Variants in ABI1 observed in about 807,000 individuals in gnomAD.
ABI1 encodes the protein abl interactor 1.
ABI1 carries 14 observed loss-of-function variants against 54.6 expected under a neutral mutation model. The observed-to-expected ratio is 0.26, with a 90% CI of 0.17 to 0.40. The LOEUF is 0.40. Ranked by LOEUF, ABI1 falls within the 10% of genes least tolerant of loss-of-function variation. The pLI is 1.00. For missense variants in ABI1, 443 were observed against 598.3 expected (o/e 0.74, Z 2.71); for synonymous variants, 194 against 209.3 (o/e 0.93, Z 0.63).
chr10:26,820,026 TA>T (rs1340413862), intron 2 of ABI1, among the ~76,000 whole-genome samples: 3 of 152,098 alleles, frequency 2.0e-5, no homozygotes, highest in African/African-American at 7.2e-5. Flanking sequence ...TGTCAGAGAC[TA>T]GGGGGTAAGG....
At chr10:26,823,014 A>T in intron 2 of ABI1, 124 bp downstream of exon 2, 1 of 848,776 alleles carries the variant, frequency 1.2e-6, no homozygotes, top group Non-Finnish European at 1.8e-6. Context: ...TACCAAACTA[A>T]AACAGTGTTA....
At chr10:26,805,682 T>C (rs2046834110) in intron 2 of ABI1, among the ~76,000 whole-genome samples, 1 of 152,188 alleles carries the variant, frequency 6.6e-6, no homozygotes, top group Non-Finnish European at 1.5e-5. Flanking sequence ...GAGTCTCCAA[T>C]TTCCAAAAGA....
intron 2 of ABI1, among the ~76,000 whole-genome samples, chr10:26,816,170 A>G (rs1434392713): frequency 1.3e-5 from 2 of 152,230 alleles, no homozygotes; most frequent in Non-Finnish European, 2.9e-5. Context: ...GACATTTTAC[A>G]AAACTGGGTA....
At chr10:26,814,262 C>T (rs1455203425) in intron 2 of ABI1, among the ~76,000 whole-genome samples, 1 of 152,130 alleles carries the variant, frequency 6.6e-6, no homozygotes, top group Non-Finnish European at 1.5e-5. Context: ...AGTCAAGATG[C>T]CCATCTTTTG....
chr10:26,833,769 TACACAC>T (rs61653104), intron 1 of ABI1, among the ~76,000 whole-genome samples: 37 of 150,208 alleles, frequency 2.5e-4, no homozygotes, highest in African/African-American at 4.6e-4. Context: ...ACAATATTTA[TACACAC>T]ACACACACAC....
At chr10:26,793,023 C>T (rs1010337349) in intron 2 of ABI1, among the ~76,000 whole-genome samples, 14 of 152,332 alleles carry the variant, frequency 9.2e-5, no homozygotes, top group Admixed American at 6.5e-5. Context: ...ACAATATCAT[C>T]TCAGAAGGCC....
At chr10:26,771,801 A>G (rs1840727122) in intron 3 of ABI1, among the ~76,000 whole-genome samples, 1 of 152,158 alleles carries the variant, frequency 6.6e-6, no homozygotes. Context: ...CATCTGAGCC[A>G]GTTAAGTCAA....
chr10:26,781,992 T>C (rs1017298380), intron 2 of ABI1, among the ~76,000 whole-genome samples: 3 of 152,194 alleles, frequency 2.0e-5, no homozygotes, highest in African/African-American at 7.2e-5. Context: ...TTATGAGTCC[T>C]GGAAAAGGAC....
intron 1 of ABI1, among the ~76,000 whole-genome samples, chr10:26,858,529 C>CAAAA (rs1366626506): frequency 2.1e-5 from 1 of 46,618 alleles, no homozygotes; most frequent in African/African-American, 7.6e-5. Context: ...CCCGCCCCCA[C>CAAAA]AAAAAAAGAA....
Position 26,746,622 on chromosome 10 carries a change from T to A in ABI1, c.*1948A>T. The A allele has an allele frequency of 1.2e-6, 1 of 825,140 alleles. No individual in the cohort carries two copies. The allele number at this position is 825,140 out of a possible 1,614,324, so 51.1% of individuals were successfully genotyped here. On this transcript the variant is annotated 3_prime_UTR_variant, in exon 11 of 11. Transcript: ENST00000376140. ...TGATGGGCAATTTATTTTTTTTTAT[T>A]GCAAAAGTTTTTTCAGAAAACTTTT...
At chr10:26,837,904 C>A (rs772355519) in intron 1 of ABI1, among the ~76,000 whole-genome samples, 44 of 152,080 alleles carry the variant, frequency 2.9e-4, no homozygotes, top group Non-Finnish European at 2.9e-5. Flanking sequence ...CATGAGCCAC[C>A]ACACCCAGCT....
intron 2 of ABI1, among the ~76,000 whole-genome samples, chr10:26,814,650 A>C (rs2047444649): frequency 6.6e-6 from 1 of 152,206 alleles, no homozygotes; most frequent in Non-Finnish European, 1.5e-5. Context: ...ATAAGAAGTG[A>C]ATATTGGTTA....
At chr10:26,792,782 C>A (rs912435641) in intron 2 of ABI1, among the ~76,000 whole-genome samples, 1 of 152,114 alleles carries the variant, frequency 6.6e-6, no homozygotes, top group African/African-American at 2.4e-5. Flanking sequence ...CATAAGCAGA[C>A]AAGATTTTAA....
intron 5 of ABI1, among the ~76,000 whole-genome samples, chr10:26,769,901 G>C (rs1315289115): frequency 6.6e-6 from 1 of 152,238 alleles, no homozygotes; most frequent in East Asian, 1.9e-4. Flanking sequence ...CTACAATATA[G>C]ATACTGTAAA....
Position 26,748,492 on chromosome 10 carries a change from T to C in ABI1, c.*78A>G. 3 of 1,110,432 alleles carry C rather than the reference T, an allele frequency of 2.7e-6. No individual in the cohort carries two copies. The highest frequency in any genetic ancestry group is 2.5e-5 in the East Asian group (1 of 39,968). 68.8% of individuals were successfully genotyped at this position (1,110,432 alleles called of 1,614,324 possible). A position where few individuals can be genotyped will look rare whatever the true frequency, so the allele number is the denominator to read the frequency against. On this transcript the variant is annotated 3_prime_UTR_variant, in exon 11 of 11. Coordinates refer to ENST00000376140, the MANE Select transcript of ABI1 (RefSeq NM_001012750.3). ...AAATATGGGCACATTTTAAAACATA[T>C]TAAGACAGTTCTGTTAACCATAATA...
intron 1 of ABI1, among the ~76,000 whole-genome samples, chr10:26,843,667 G>C (rs2049759632): frequency 6.6e-6 from 1 of 151,236 alleles, no homozygotes; most frequent in African/African-American, 2.4e-5. Flanking sequence ...GAGAGTGGCA[G>C]GATTTTCATA....
intron 9 of ABI1, among the ~76,000 whole-genome samples, chr10:26,754,708 C>G (rs1482853007): frequency 6.6e-6 from 1 of 152,120 alleles, no homozygotes; most frequent in Non-Finnish European, 1.5e-5. Flanking sequence ...TCAAACCATC[C>G]TGAGATTTAT....
intron 2 of ABI1, among the ~76,000 whole-genome samples, chr10:26,819,167 T>G (rs536411138): frequency 4.7e-4 from 71 of 151,724 alleles, no homozygotes; most frequent in Non-Finnish European, 7.8e-4. Context: ...ATGAATGAAA[T>G]AATAAAAGAG....
chr10:26,775,821 A>G (rs1467921767), intron 3 of ABI1, among the ~76,000 whole-genome samples: 1 of 152,174 alleles, frequency 6.6e-6, no homozygotes, highest in Non-Finnish European at 1.5e-5. Context: ...AATCAAGGTG[A>G]GGCAAAATGG....
Sources: gnomAD v4.1 joint callset for allele counts (sites outside exome capture counted in the v4.1 genomes callset) on GRCh38, gnomAD v4.1.1 for gene constraint, MANE v1.5 for transcripts, NCBI Gene and HGNC (gene_info 2026-07-23, HGNC 2026-07-21) for gene names.